Variants in IQCM observed in about 807,000 individuals in gnomAD.
The protein encoded by IQCM is IQ domain-containing protein M.
In IQCM, 45 loss-of-function variants were observed where a neutral mutation model predicts 57.6. That is an observed-to-expected ratio of 0.78 (90% CI 0.62 to 1.00). IQCM has a LOEUF of 1.00. Among genes scored for constraint, IQCM ranks in the 50% least tolerant of loss-of-function variants. The pLI is 0.00. For synonymous variants in IQCM, 148 were observed against 158.9 expected, an observed-to-expected ratio of 0.93 and a Z score of 0.51; for missense variants, 468 against 511.6, an observed-to-expected ratio of 0.91 and a Z score of 0.82.
At chr4:149,780,645 A>C (rs1459722505) in intron 2 of IQCM, among the ~76,000 whole-genome samples, 2 of 152,044 alleles carry the variant, frequency 1.3e-5, no homozygotes, top group Non-Finnish European at 2.9e-5. Context: ...CTGAAAAGAG[A>C]TATATGAGAA....
intron 8 of IQCM, among the ~76,000 whole-genome samples, chr4:149,597,606 G>T (rs914348248): frequency 6.6e-6 from 1 of 152,088 alleles, no homozygotes; most frequent in African/African-American, 2.4e-5. Flanking sequence ...AGCCAAGCTG[G>T]TCTCTAACTC....
At chr4:149,604,752 G>T (rs1754625664) in intron 8 of IQCM, among the ~76,000 whole-genome samples, 1 of 152,144 alleles carries the variant, frequency 6.6e-6, no homozygotes, top group African/African-American at 2.4e-5. Flanking sequence ...TTCAGTAACA[G>T]ATGTTTGCCT....
At chr4:149,461,654 CAA>C (rs57953107) in intron 12 of IQCM, among the ~76,000 whole-genome samples, 13 of 64,280 alleles carry the variant, frequency 2.0e-4, no homozygotes, top group African/African-American at 5.2e-4. Context: ...ACCCAGTCTC[CAA>C]AAAAAAAAAA....
intron 13 of IQCM, among the ~76,000 whole-genome samples, chr4:149,400,850 A>G (rs1405657355): frequency 6.6e-6 from 1 of 151,948 alleles, no homozygotes; most frequent in Non-Finnish European, 1.5e-5. Flanking sequence ...AATTAGGTTT[A>G]TCCACAAATC....
intron 12 of IQCM, among the ~76,000 whole-genome samples, chr4:149,518,241 A>G (rs1745197255): frequency 6.6e-6 from 1 of 152,164 alleles, no homozygotes; most frequent in South Asian, 2.1e-4. Context: ...AGGGAGTAGG[A>G]GAGTGGAAAT....
At chr4:149,813,824 A>C (rs1371521032) in intron 2 of IQCM, among the ~76,000 whole-genome samples, 1 of 152,092 alleles carries the variant, frequency 6.6e-6, no homozygotes, top group Non-Finnish European at 1.5e-5. Flanking sequence ...AATAGAGACC[A>C]ACAGGTGCCA....
chr4:149,488,408 A>C (rs1741748713), intron 12 of IQCM, among the ~76,000 whole-genome samples: 1 of 152,206 alleles, frequency 6.6e-6, no homozygotes. Context: ...TCACTTTCCA[A>C]AAATACATTT....
chr4:149,358,486 C>T (rs779002072), intron 13 of IQCM, among the ~76,000 whole-genome samples: 1 of 152,098 alleles, frequency 6.6e-6, no homozygotes, highest in Admixed American at 6.6e-5. Context: ...TTTATTTCTT[C>T]CTTCATTTCG....
chr4:149,481,224 TG>T (rs1490230969), intron 12 of IQCM, among the ~76,000 whole-genome samples: 1 of 152,118 alleles, frequency 6.6e-6, no homozygotes, highest in African/African-American at 2.4e-5. Flanking sequence ...CTTTGTTGAT[TG>T]TTTCCATTGC....
intron 13 of IQCM, among the ~76,000 whole-genome samples, chr4:149,394,727 G>C (rs1409216615): frequency 6.6e-6 from 1 of 151,944 alleles, no homozygotes; most frequent in Non-Finnish European, 1.5e-5. Context: ...CTGGCGTGAA[G>C]GGCAAAGGAT....
intron 12 of IQCM, among the ~76,000 whole-genome samples, chr4:149,484,119 T>C (rs1342690747): frequency 2.0e-5 from 3 of 152,016 alleles, no homozygotes; most frequent in Non-Finnish European, 4.4e-5. Context: ...TGCTCTTTTT[T>C]TGTTTGTTTG....
At chr4:149,767,583 CA>C (rs1390057910) in intron 2 of IQCM, among the ~76,000 whole-genome samples, 1 of 152,056 alleles carries the variant, frequency 6.6e-6, no homozygotes, top group East Asian at 1.9e-4. Flanking sequence ...GTGCTAACAT[CA>C]GTATTGGAGG....
chr4:149,724,305 A>AG (rs572560318), intron 5 of IQCM, among the ~76,000 whole-genome samples: 214 of 152,204 alleles, frequency 1.4e-3, no homozygotes, highest in African/African-American at 5.0e-3. Context: ...CTGTAGGCAA[A>AG]GGAAAAATCA....
intron 13 of IQCM, among the ~76,000 whole-genome samples, chr4:149,426,803 G>T (rs1367616662): frequency 6.6e-6 from 1 of 151,806 alleles, no homozygotes; most frequent in East Asian, 1.9e-4. Context: ...TTATGATCTG[G>T]ACTCAAAAAT....
chr4:149,462,606 C>T lies in IQCM; in HGVS notation c.1229-29049G>A, dbSNP rs146987775. Among the ~76,000 whole-genome samples, 7 of 152,296 alleles carry T rather than the reference C, an allele frequency of 4.6e-5. No homozygotes were observed. In the East Asian group the frequency reaches 1.4e-3, roughly 29 times the overall value. ...TATTTCCTACTGTTTGAATTCCTGT[C>T]TTTTCCTATTTACCTTACATGTGTC... On this transcript the variant is annotated intron_variant, in intron 12 of 13. Coordinates refer to ENST00000636793, the MANE Select transcript of IQCM (RefSeq NM_001363507.2).
intron 7 of IQCM, among the ~76,000 whole-genome samples, chr4:149,679,244 C>A (rs1561146097): frequency 6.6e-6 from 1 of 151,416 alleles, no homozygotes; most frequent in African/African-American, 2.4e-5. Flanking sequence ...ATGGAGGGAA[C>A]TAGAGGTTGT....
chr4:149,706,400 T>A (rs143386631), intron 5 of IQCM, among the ~76,000 whole-genome samples: 222 of 152,064 alleles, frequency 1.5e-3, no homozygotes, highest in African/African-American at 5.2e-3. Context: ...GCATGTGGTA[T>A]TTAGGAAATG....
At chr4:149,726,162 C>A (rs896328091) in intron 5 of IQCM, among the ~76,000 whole-genome samples, 4 of 148,672 alleles carry the variant, frequency 2.7e-5, no homozygotes, top group African/African-American at 9.9e-5. Flanking sequence ...GAAAGAATTT[C>A]ATTTTTTCAT....
chr4:149,382,022 C>T (rs1731114094), intron 13 of IQCM, among the ~76,000 whole-genome samples: 1 of 152,144 alleles, frequency 6.6e-6, no homozygotes, highest in African/African-American at 2.4e-5. Context: ...GCCTTAGCCT[C>T]CCAAAGTGCT....
Sources: gnomAD v4.1 joint callset for allele counts (sites outside exome capture counted in the v4.1 genomes callset) on GRCh38, gnomAD v4.1.1 for gene constraint, MANE v1.5 for transcripts, NCBI Gene and HGNC (gene_info 2026-07-23, HGNC 2026-07-21) for gene names.